ADIPOR2: variants seen among roughly 807,000 people sequenced by gnomAD.
ADIPOR2 encodes adiponectin receptor protein 2.
In ADIPOR2, 18 loss-of-function variants were observed where a neutral mutation model predicts 40.9. That is an observed-to-expected ratio of 0.44 (90% confidence interval 0.30 to 0.65). ADIPOR2 has a LOEUF of 0.65. Among genes scored for constraint, ADIPOR2 ranks in the 30% least tolerant of loss-of-function variants. ADIPOR2 has a pLI of 0.09. For missense variants in ADIPOR2, 283 were observed against 479.2 expected, an observed-to-expected ratio of 0.59 and a Z score of 3.82; for synonymous variants, 165 against 166.4, an observed-to-expected ratio of 0.99 and a Z score of 0.06.
chr12:1,781,120 CTAGT>C, intron 6 of ADIPOR2, 44 bp downstream of exon 6: 2 of 1,482,654 alleles, frequency 1.3e-6, no homozygotes, highest in Non-Finnish European at 1.8e-6. Flanking sequence ...CATTTATTCA[CTAGT>C]TAAATTCACT....
intron 1 of ADIPOR2, among the ~76,000 whole-genome samples, chr12:1,745,108 A>G (rs1040950850): frequency 6.6e-6 from 1 of 152,224 alleles, no homozygotes; most frequent in African/African-American, 2.4e-5. Context: ...AATGAGCAGG[A>G]ACCTTGTGGT....
chr12:1,705,171 C>T (rs902063855), intron 1 of ADIPOR2, among the ~76,000 whole-genome samples: 1 of 152,164 alleles, frequency 6.6e-6, no homozygotes, highest in Non-Finnish European at 1.5e-5. Context: ...GTACAGGCCA[C>T]ATGTTTTATC....
chr12:1,783,480 G>C (rs1862767382), intron 6 of ADIPOR2, among the ~76,000 whole-genome samples: 1 of 148,952 alleles, frequency 6.7e-6, no homozygotes, highest in South Asian at 2.1e-4. Flanking sequence ...GCTCACTGCA[G>C]CCTCTGCCCC....
At chr12:1,700,583 A>G (rs1441038081) in intron 1 of ADIPOR2, among the ~76,000 whole-genome samples, 1 of 152,222 alleles carries the variant, frequency 6.6e-6, no homozygotes, top group Non-Finnish European at 1.5e-5. Flanking sequence ...CCCAAGTGAC[A>G]GCATAATTCA....
chr12:1,776,927 C>T (rs193084077), intron 3 of ADIPOR2, among the ~76,000 whole-genome samples: 10 of 152,246 alleles, frequency 6.6e-5, no homozygotes, highest in East Asian at 3.9e-4. Flanking sequence ...GTAACTGAAG[C>T]GCTATTTTAC....
At chr12:1,734,915 A>G (rs1318627515) in intron 1 of ADIPOR2, among the ~76,000 whole-genome samples, 1 of 152,074 alleles carries the variant, frequency 6.6e-6, no homozygotes, top group Non-Finnish European at 1.5e-5. Context: ...ATAGTTGTAG[A>G]TATGCGGCAC....
At chr12:1,781,377 TA>T (rs1245108773) in intron 6 of ADIPOR2, among the ~76,000 whole-genome samples, 2 of 152,220 alleles carry the variant, frequency 1.3e-5, no homozygotes, top group Non-Finnish European at 2.9e-5. Context: ...CAGAAAGCGG[TA>T]GTCTATAACT....
intron 1 of ADIPOR2, among the ~76,000 whole-genome samples, chr12:1,748,353 A>T (rs1225995507): frequency 1.3e-5 from 2 of 151,936 alleles, no homozygotes; most frequent in African/African-American, 4.8e-5. Flanking sequence ...GGTTCACGCC[A>T]TTCTCCTGCC....
intron 3 of ADIPOR2, among the ~76,000 whole-genome samples, chr12:1,776,559 TTGTGG>T (rs1862600938): frequency 6.6e-6 from 1 of 152,166 alleles, no homozygotes; most frequent in African/African-American, 2.4e-5. Flanking sequence ...TAAGTGATCC[TTGTGG>T]TGTGAGCTCT....
intron 1 of ADIPOR2, among the ~76,000 whole-genome samples, chr12:1,714,273 C>A (rs572716883): frequency 2.3e-4 from 35 of 152,222 alleles, no homozygotes; most frequent in African/African-American, 8.2e-4. Flanking sequence ...TGTAGCCTTT[C>A]TCTTATCTCA....
chr12:1,756,112 C>T (rs573336688), intron 2 of ADIPOR2, among the ~76,000 whole-genome samples: 65 of 151,858 alleles, frequency 4.3e-4, no homozygotes, highest in Admixed American at 3.1e-3. Context: ...CTGCTTGTAT[C>T]ATCTTTCTCT....
chr12:1,727,127 T>A (rs555169079), intron 1 of ADIPOR2, among the ~76,000 whole-genome samples: 12 of 152,362 alleles, frequency 7.9e-5, no homozygotes, highest in Non-Finnish European at 1.5e-4. Context: ...ACTCATTGGT[T>A]AATGTCCAGC....
intron 1 of ADIPOR2, among the ~76,000 whole-genome samples, chr12:1,732,910 A>C (rs1486579280): frequency 6.6e-6 from 1 of 152,152 alleles, no homozygotes; most frequent in Non-Finnish European, 1.5e-5. Flanking sequence ...TTGTGTGTGT[A>C]GTTTTTCCCT....
At chr12:1,772,738 T>G in intron 2 of ADIPOR2, 104 bp from the exon 3 acceptor site, 1 of 1,409,030 alleles carries the variant, frequency 7.1e-7, no homozygotes, top group Middle Eastern at 1.9e-4. Flanking sequence ...TAAGGCCTTG[T>G]TTTGACCTTA....
rs189844842 is a variant in ADIPOR2 at position 1,731,217 on chromosome 12, C to T, written c.-86-23041C>T. Among the ~76,000 whole-genome samples the T allele has an allele frequency of 3.9e-5, 6 of 152,152 alleles. No individual in the cohort carries two copies. In the East Asian group the frequency reaches 9.7e-4, roughly 25 times the overall value. On this transcript the variant is annotated intron_variant, in intron 1 of 7. Transcript: ENST00000357103. Reference sequence around the variant, plus strand: ...CTGGGACTACAGGCATGTGACACTGCGTGGCTGATGTTTTGTAGAGGCGGC... The same window carrying T: ...CTGGGACTACAGGCATGTGACACTGTGTGGCTGATGTTTTGTAGAGGCGGC...
At position 1,743,613 on chromosome 12, in the gene ADIPOR2, T is replaced by A. The variant is rs912614889; in HGVS notation, c.-86-10645T>A. Among the ~76,000 whole-genome samples the A allele has an allele frequency of 8.9e-4, 133 of 148,644 alleles. 1 individual carries two copies. The highest frequency in any genetic ancestry group is 3.1e-3 in the African/African-American group (127 of 40,424). ...TTGCTTGGGCACAGAAATTCAAGGT[T>A]ACAGTGAGCTGTGATTGTGCCACTG... On this transcript the variant is annotated intron_variant, in intron 1 of 7. Transcript: ENST00000357103.
chr12:1,772,662 C>A, intron 2 of ADIPOR2, 180 bp from the exon 3 acceptor site: 1 of 620,332 alleles, frequency 1.6e-6, no homozygotes, highest in South Asian at 4.2e-5. Flanking sequence ...GAATTGAGTA[C>A]TAGTGTTCAT....
At chr12:1,721,749 G>C (rs1400398863) in intron 1 of ADIPOR2, among the ~76,000 whole-genome samples, 16 of 152,152 alleles carry the variant, frequency 1.1e-4, no homozygotes, top group Admixed American at 1.0e-3. Flanking sequence ...CCTTTGAGTA[G>C]GTAACCTTTG....
At chr12:1,732,266 T>TAG (rs1310039575) in intron 1 of ADIPOR2, among the ~76,000 whole-genome samples, 1 of 152,256 alleles carries the variant, frequency 6.6e-6, no homozygotes, top group Non-Finnish European at 1.5e-5. Flanking sequence ...TATCCACTAT[T>TAG]ACAGTTATCA....
Sources: gnomAD v4.1 joint callset for allele counts (sites outside exome capture counted in the v4.1 genomes callset) on GRCh38, gnomAD v4.1.1 for gene constraint, MANE v1.5 for transcripts, NCBI Gene and HGNC (gene_info 2026-07-23, HGNC 2026-07-21) for gene names.